Variants in PCNX2 observed in about 807,000 individuals in gnomAD.
PCNX2 encodes the protein pecanex-like protein 2.
In PCNX2, 168 loss-of-function variants were observed where a neutral mutation model predicts 223.8. The observed-to-expected ratio is 0.75, with a 90% CI of 0.66 to 0.85. The LOEUF (loss-of-function observed/expected upper bound fraction) is 0.85. PCNX2 is among the 40% of genes least tolerant of loss of function. PCNX2 has a pLI of 0.00. For missense variants in PCNX2, 2,507 were observed against 2,675.5 expected (o/e 0.94, Z 1.39); for synonymous variants, 1,006 against 1,052.6 (o/e 0.96, Z 0.86).
chr1:233,192,891 A>G (rs573223741), intron 15 of PCNX2, among the ~76,000 whole-genome samples: 1 of 150,860 alleles, frequency 6.6e-6, no homozygotes, highest in South Asian at 2.1e-4. Context: ...GCCTGCAGAT[A>G]ACAATACTGA....
At chr1:233,169,706 T>TTAA (rs981015708) in intron 17 of PCNX2, among the ~76,000 whole-genome samples, 1 of 151,950 alleles carries the variant, frequency 6.6e-6, no homozygotes, top group African/African-American at 2.4e-5. Flanking sequence ...TATGTACAGT[T>TTAA]TAATAATTAT....
In PCNX2 at chr1:233,161,396, C is replaced by G. The variant is rs149601300; in HGVS notation, c.3274-33G>C. 892 of 1,560,936 alleles carry G rather than the reference C, an allele frequency of 5.7e-4. 5 individuals carry two copies. In the African/African-American group the frequency reaches 0.011, roughly 19 times the overall value. On this transcript the variant is annotated intron_variant, in intron 17 of 33. Coordinates refer to ENST00000258229, the MANE Select transcript of PCNX2 (RefSeq NM_014801.4). Reference sequence around the variant, plus strand: ...GAGAAAACCAGCGGTAAAGGCGACTCTTCATTTCTCTCAGCAACTCTGTGT... The same window carrying G: ...GAGAAAACCAGCGGTAAAGGCGACTGTTCATTTCTCTCAGCAACTCTGTGT...
intron 19 of PCNX2, among the ~76,000 whole-genome samples, chr1:233,144,495 C>T (rs890699314): frequency 2.6e-5 from 4 of 152,322 alleles, no homozygotes; most frequent in South Asian, 2.1e-4. Context: ...TTTACACTCT[C>T]GCAGATGGTA....
intron 12 of PCNX2, among the ~76,000 whole-genome samples, chr1:233,216,062 A>G (rs757910140): frequency 3.3e-5 from 5 of 152,206 alleles, no homozygotes; most frequent in Admixed American, 3.3e-4. Context: ...TAAAAGCACA[A>G]TAGAGGGAAA....
intron 15 of PCNX2, among the ~76,000 whole-genome samples, chr1:233,194,657 A>G (rs1055139880): frequency 6.6e-6 from 1 of 152,200 alleles, no homozygotes; most frequent in Non-Finnish European, 1.5e-5. Flanking sequence ...ATATAAAAGG[A>G]AACACTTTCC....
chr1:233,228,733 A>T (rs1657886700), intron 9 of PCNX2, among the ~76,000 whole-genome samples: 1 of 152,156 alleles, frequency 6.6e-6, no homozygotes, highest in African/African-American at 2.4e-5. Flanking sequence ...AGTTGCTTCC[A>T]CCCTTTGGCT....
At chr1:233,025,482 C>T in intron 25 of PCNX2, 83 bp from the exon 26 acceptor site, 5 of 1,537,694 alleles carry the variant, frequency 3.3e-6, no homozygotes, top group Non-Finnish European at 4.4e-6. Context: ...ATGCCTTCAT[C>T]AGAGGGGAAG....
intron 21 of PCNX2, among the ~76,000 whole-genome samples, chr1:233,129,523 G>C (rs1177923435): frequency 6.6e-6 from 1 of 152,240 alleles, no homozygotes; most frequent in African/African-American, 2.4e-5. Flanking sequence ...TGCGGGACTG[G>C]CAGGCAGCTC....
chr1:233,067,161 T>C (rs1672643966), intron 23 of PCNX2, among the ~76,000 whole-genome samples: 1 of 151,542 alleles, frequency 6.6e-6, no homozygotes, highest in Admixed American at 6.6e-5. Context: ...TAATACATAA[T>C]AGCACCCAAA....
rs573196066 is a variant in PCNX2 at position 233,000,264 on chromosome 1, A to G, written c.5328+41T>C. The G allele has an allele frequency of 5.0e-5, 79 of 1,573,634 alleles. 1 individual carries two copies. In the South Asian group the frequency reaches 6.1e-4, roughly 12 times the overall value. ...ATTCTATTTCTTCTCAGATAGAGAG[A>G]CACGAGCCAACAGGGGACCCAGAAA... On this transcript the variant is annotated intron_variant, in intron 30 of 33. Transcript: ENST00000258229. The surrounding 1 kb of genome is among the most constrained non-coding windows in gnomAD (Gnocchi z 4.6).
At chr1:232,997,730 T>C (rs1206183701) in intron 32 of PCNX2, among the ~76,000 whole-genome samples, 1 of 152,232 alleles carries the variant, frequency 6.6e-6, no homozygotes, top group Non-Finnish European at 1.5e-5. Flanking sequence ...CCAGGCTTGG[T>C]TGCAGCCACC....
At chr1:233,232,835 C>T in intron 9 of PCNX2, 3 of 985,276 alleles carry the variant, frequency 3.0e-6, no homozygotes, top group Non-Finnish European at 3.6e-6. Context: ...AGTTTAGGAC[C>T]AATGCAATGC....
intron 28 of PCNX2, among the ~76,000 whole-genome samples, chr1:233,009,532 T>C (rs545674061): frequency 4.2e-4 from 64 of 152,360 alleles, no homozygotes; most frequent in Non-Finnish European, 7.3e-4. Context: ...CTCATGATGT[T>C]TTAACAGCAA....
At chr1:233,291,659 T>C (rs1661774116) in intron 1 of PCNX2, 2 of 954,632 alleles carry the variant, frequency 2.1e-6, no homozygotes, top group Admixed American at 6.2e-5. Context: ...TCTTTTGACA[T>C]GAGGCTAGTG....
intron 28 of PCNX2, among the ~76,000 whole-genome samples, chr1:233,007,191 C>G (rs1181730987): frequency 1.3e-5 from 2 of 151,156 alleles, no homozygotes; most frequent in Non-Finnish European, 2.9e-5. Context: ...CCATTGTACT[C>G]CAGCTTGGCA....
At chr1:233,164,815 G>C (rs1386646245) in intron 17 of PCNX2, among the ~76,000 whole-genome samples, 1 of 151,904 alleles carries the variant, frequency 6.6e-6, no homozygotes, top group Non-Finnish European at 1.5e-5. Flanking sequence ...CTTATTTGTA[G>C]AATCTAAAAA....
rs760282445 is a variant in PCNX2 at position 233,201,025 on chromosome 1, C to CAAA, written c.2864-764_2864-762dup. Among the ~76,000 whole-genome samples, 206 of 25,676 alleles carry CAAA rather than the reference C, an allele frequency of 8.0e-3. 8 individuals are homozygous for CAAA. Among genetic ancestry groups the CAAA allele is most frequent in the African/African-American group, 0.032 (190 of 5,972 alleles). 16.8% of individuals were successfully genotyped at this position (25,676 alleles called of 152,430 possible). On this transcript the variant is annotated intron_variant, in intron 13 of 33. Transcript: ENST00000258229. ...TGGGCGACAGAGCAAGACTCCGTCTCAAAAAAAAAAAAAAAAAAAAAAAGT... is the reference window on the plus strand; with the variant it reads ...TGGGCGACAGAGCAAGACTCCGTCTCAAAAAAAAAAAAAAAAAAAAAAAAAAGT...
intron 23 of PCNX2, among the ~76,000 whole-genome samples, chr1:233,071,511 A>T (rs547305853): frequency 2.6e-4 from 39 of 152,188 alleles, no homozygotes; most frequent in African/African-American, 9.4e-4. Flanking sequence ...ATGGCTTCAT[A>T]GTATTCCATG....
chr1:233,093,931 G>A (rs1164498770), intron 22 of PCNX2, among the ~76,000 whole-genome samples: 2 of 152,202 alleles, frequency 1.3e-5, no homozygotes, highest in East Asian at 1.9e-4. Context: ...TGCACAAGCT[G>A]AGATAAATCC....
Sources: allele counts gnomAD v4.1 joint callset (sites outside exome capture counted in the v4.1 genomes callset), GRCh38; gene constraint gnomAD v4.1.1; non-coding constraint Gnocchi (gnomAD v3.1); transcripts MANE v1.5; gene names NCBI Gene and HGNC (gene_info 2026-07-23, HGNC 2026-07-21).